Variants in CACNA1A observed in about 807,000 individuals in gnomAD.
The protein encoded by CACNA1A is calcium voltage-gated channel subunit alpha1 A.
CACNA1A carries 57 observed loss-of-function variants against 262.4 expected under a neutral mutation model. The observed-to-expected ratio is 0.22, with a 90% CI of 0.18 to 0.27. The LOEUF is 0.27. Among genes scored for constraint, CACNA1A ranks in the 10% least tolerant of loss-of-function variants. CACNA1A has a pLI of 1.00. For missense variants in CACNA1A, 2,526 were observed against 3,562.8 expected, an observed-to-expected ratio of 0.71 and a Z score of 7.41; for synonymous variants, 1,431 against 1,419.3, an observed-to-expected ratio of 1.01 and a Z score of -0.18.
chr19:13,272,336 G>A (rs1396602886), intron 24 of CACNA1A: 1 of 152,334 alleles, frequency 6.6e-6, no homozygotes, highest in Admixed American at 6.5e-5. Flanking sequence ...GCCACCTCTT[G>A]AGCCCTAGGA....
Position 13,278,933 on chromosome 19 carries a change from G to A in CACNA1A, c.3823-1805C>T, listed in dbSNP as rs199599697. ...GGATTGGCTTGAAAGACCTGGGTGG[G>A]CAGAGGGGATGGTGGTGGGAGAGTA... On this transcript the variant is annotated intron_variant, in intron 22 of 46. Transcript: ENST00000360228. Among the ~76,000 whole-genome samples the A allele has an allele frequency of 1.1e-4, 16 of 152,188 alleles. No individual in the cohort carries two copies. In the East Asian group the frequency reaches 2.3e-3, roughly 22 times the overall value.
At chr19:13,464,761 G>A (rs557854418) in intron 1 of CACNA1A, among the ~76,000 whole-genome samples, 13 of 151,582 alleles carry the variant, frequency 8.6e-5, no homozygotes, top group Non-Finnish European at 1.3e-4. Context: ...TGTTAGCCAG[G>A]GTGGTCTCGA....
intron 31 of CACNA1A, chr19:13,244,787 T>G: frequency 5.4e-6 from 1 of 185,098 alleles, no homozygotes; most frequent in Non-Finnish European, 1.1e-5. Flanking sequence ...AGGAGAGGGT[T>G]GGTTCAAACA....
chr19:13,436,683 C>A (rs919763482), intron 3 of CACNA1A, among the ~76,000 whole-genome samples: 1 of 152,220 alleles, frequency 6.6e-6, no homozygotes, highest in East Asian at 1.9e-4. Context: ...CTTTACCCCC[C>A]AGAGGAAGGA....
chr19:13,365,070 G>A (rs1008047288), intron 5 of CACNA1A: 7 of 329,844 alleles, frequency 2.1e-5, no homozygotes, highest in South Asian at 9.1e-5. Flanking sequence ...TCATTCCCCC[G>A]ATGGTGCTTC....
intron 3 of CACNA1A, among the ~76,000 whole-genome samples, chr19:13,399,578 G>A (rs542804497): frequency 4.4e-4 from 67 of 152,188 alleles, no homozygotes; most frequent in African/African-American, 1.2e-3. Flanking sequence ...TAATGAGCAC[G>A]ACCAGTTCTC....
At chr19:13,477,046 G>A (rs533514933) in intron 1 of CACNA1A, among the ~76,000 whole-genome samples, 44 of 152,154 alleles carry the variant, frequency 2.9e-4, no homozygotes, top group African/African-American at 5.5e-4. Context: ...AACCTGTCCC[G>A]TCACCTCTCT....
chr19:13,312,590 T>G, intron 12 of CACNA1A, 79 bp downstream of exon 12: 3 of 814,138 alleles, frequency 3.7e-6, no homozygotes, highest in Non-Finnish European at 6.0e-6. Flanking sequence ...ACTTTACCTT[T>G]CTCCCTTTAA....
intron 6 of CACNA1A, among the ~76,000 whole-genome samples, chr19:13,355,505 C>T (rs908079816): frequency 6.6e-6 from 1 of 152,146 alleles, no homozygotes; most frequent in Non-Finnish European, 1.5e-5. Flanking sequence ...AGGGTGTGTA[C>T]GTGACCAGGT....
intron 24 of CACNA1A, among the ~76,000 whole-genome samples, chr19:13,270,434 T>G: frequency 6.7e-6 from 1 of 150,116 alleles, no homozygotes; most frequent in Admixed American, 6.6e-5. Context: ...GGTGGAGAGT[T>G]CAGCGCTCAG....
intron 6 of CACNA1A, among the ~76,000 whole-genome samples, chr19:13,337,282 A>G (rs4926268): frequency 0.69 from 105,189 of 152,018 alleles, 36,506 homozygotes; most frequent in Admixed American, 0.76. Context: ...TCCTTCTGAG[A>G]GCTGTGAGAC....
intron 38 of CACNA1A, among the ~76,000 whole-genome samples, chr19:13,223,998 T>C (rs1377268632): frequency 6.6e-6 from 1 of 151,978 alleles, no homozygotes. Context: ...AAACCCCATC[T>C]CTATAAAAAA....
chr19:13,358,290 G>C (rs1391300800), intron 6 of CACNA1A, among the ~76,000 whole-genome samples: 1 of 152,148 alleles, frequency 6.6e-6, no homozygotes, highest in African/African-American at 2.4e-5. Flanking sequence ...AGAAGGCCAG[G>C]CGTGGTGGCT....
At chr19:13,235,483 G>T in intron 32 of CACNA1A, 131 bp downstream of exon 32, 2 of 787,396 alleles carry the variant, frequency 2.5e-6, no homozygotes, top group Non-Finnish European at 4.4e-6. Flanking sequence ...TTTGACAACA[G>T]CCTTGGAGAT....
At chr19:13,222,646 C>T (rs140700542) in intron 38 of CACNA1A, among the ~76,000 whole-genome samples, 7,671 of 151,660 alleles carry the variant, frequency 0.051, 327 homozygotes, top group South Asian at 0.093. Flanking sequence ...CTGCCCGCCT[C>T]GGCCTCCCAA....
At chr19:13,268,175 G>A (rs535832411) in intron 24 of CACNA1A, among the ~76,000 whole-genome samples, 17 of 152,290 alleles carry the variant, frequency 1.1e-4, no homozygotes, top group African/African-American at 4.1e-4. Context: ...GAGGGGGTCA[G>A]CAAAGAGTTC....
At chr19:13,496,356 T>C (rs773982168) in intron 1 of CACNA1A, among the ~76,000 whole-genome samples, 2 of 152,200 alleles carry the variant, frequency 1.3e-5, no homozygotes, top group Non-Finnish European at 2.9e-5. Context: ...GTATTTGATG[T>C]CTTCAAAGAC....
At chr19:13,448,083 A>G (rs756321453) in intron 3 of CACNA1A, among the ~76,000 whole-genome samples, 4 of 79,680 alleles carry the variant, frequency 5.0e-5, no homozygotes, top group Admixed American at 1.1e-4. Context: ...TGTTATTATG[A>G]AAAAAAAAAA....
intron 38 of CACNA1A, among the ~76,000 whole-genome samples, chr19:13,218,286 G>A (rs1480692340): frequency 2.0e-5 from 3 of 152,046 alleles, no homozygotes; most frequent in Admixed American, 6.6e-5. Flanking sequence ...CTAACAATGC[G>A]ATTTATCGTT....
Sources: gnomAD v4.1 joint callset for allele counts (sites outside exome capture counted in the v4.1 genomes callset) on GRCh38, gnomAD v4.1.1 for gene constraint, MANE v1.5 for transcripts, NCBI Gene and HGNC (gene_info 2026-07-23, HGNC 2026-07-21) for gene names.